Variants in RPAIN observed in about 807,000 individuals in gnomAD.
RPAIN encodes the protein RPA-interacting protein.
In RPAIN, 29 loss-of-function variants were observed where a neutral mutation model predicts 30.5. The ratio of observed to expected loss-of-function variants is 0.95; its 90% confidence interval spans 0.71 to 1.30. The LOEUF is 1.30. RPAIN is among the 50% of genes most tolerant of loss of function. RPAIN has a pLI of 0.00. For synonymous variants in RPAIN, 101 were observed against 93.5 expected, an observed-to-expected ratio of 1.08 and a Z score of -0.46; for missense variants, 247 against 264.7, an observed-to-expected ratio of 0.93 and a Z score of 0.46.
At position 5,420,222 on chromosome 17, in the gene RPAIN, G is replaced by A; in HGVS notation, c.12G>A (p.Ser4=). 1 of 1,613,762 alleles carries A rather than the reference G, an allele frequency of 6.2e-7. No individual in the cohort carries two copies. Among genetic ancestry groups the A allele is most frequent in the Non-Finnish European group, 8.5e-7 (1 of 1,179,978 alleles). ...CCCGCGAAGAGGAGATGGCGGAGTC[G>A]TTGAGGTCTCCGCGCCGCTCCCTGT... MAE[S]LRSPRRSLYK... Residue 4 remains serine, a synonymous_variant, in exon 1 of 7, where the codon TCG becomes TCA. Coordinates refer to ENST00000381209, the MANE Select transcript of RPAIN (RefSeq NM_001033002.4).
intron 2 of RPAIN, 32 bp from the exon 3 acceptor site, chr17:5,422,737 C>A (rs775539742): frequency 6.2e-7 from 1 of 1,607,506 alleles, no homozygotes; most frequent in Non-Finnish European, 8.5e-7. Flanking sequence ...ATTAATACTT[C>A]AAACTTCTGA....
At chr17:5,425,897 G>C in intron 3 of RPAIN, 74 bp from the exon 4 acceptor site, 1 of 936,522 alleles carries the variant, frequency 1.1e-6, no homozygotes, top group Non-Finnish European at 1.7e-6. Flanking sequence ...GGAAGCCTTT[G>C]ACAGTGAAGT....
Position 5,432,603 on chromosome 17 carries a change from T to C in RPAIN, c.*32T>C. 1 of 1,605,442 alleles carries C rather than the reference T, an allele frequency of 6.2e-7. No homozygotes were observed. Among genetic ancestry groups the C allele is most frequent in the Non-Finnish European group, 8.5e-7 (1 of 1,172,112 alleles). ...CTTGGACTCACATCATTCTATGGGG[T>C]TGAAGACAACTCATTCCCTCTGAGG... On this transcript the variant is annotated 3_prime_UTR_variant, in exon 7 of 7. Coordinates refer to ENST00000381209, the MANE Select transcript of RPAIN (RefSeq NM_001033002.4).
chr17:5,430,485 CA>C (rs1915802366), intron 6 of RPAIN: 1 of 152,938 alleles, frequency 6.5e-6, no homozygotes, highest in Non-Finnish European at 1.5e-5. Flanking sequence ...GCAAAACAAA[CA>C]AAAAAAGAAT....
chr17:5,425,451 T>G (rs1329545337), intron 3 of RPAIN: 1 of 419,140 alleles, frequency 2.4e-6, no homozygotes, highest in East Asian at 7.5e-5. Context: ...TTCTTCTGCC[T>G]CAGCCTCCCG....
intron 3 of RPAIN, among the ~76,000 whole-genome samples, chr17:5,423,638 C>A (rs1915087844): frequency 6.6e-6 from 1 of 152,260 alleles, no homozygotes; most frequent in Admixed American, 6.5e-5. Flanking sequence ...TCCCCAGGGC[C>A]TGTGAGCATC....
At chr17:5,425,742 G>A (rs140729349) in intron 3 of RPAIN, among the ~76,000 whole-genome samples, 1 of 152,154 alleles carries the variant, frequency 6.6e-6, no homozygotes, top group African/African-American at 2.4e-5. Flanking sequence ...TTGTCTCCTC[G>A]GCCCTTAGCC....
At chr17:5,421,178 TATC>T (rs1914763670) in intron 1 of RPAIN, 115 bp from the exon 2 acceptor site, 2 of 964,904 alleles carry the variant, frequency 2.1e-6, no homozygotes, top group African/African-American at 1.6e-5. Context: ...TAGTTAGTAT[TATC>T]ATTGAAATTT....
rs1914949402 is a variant in RPAIN, at chr17:5,422,341, A to G, written c.253-428A>G. ...TCAACACCCTGTGTAATAATGATGC[A>G]TTATTCAGTGGCTTTTGTGTGTCCT... On this transcript the variant is annotated intron_variant, in intron 2 of 6. Transcript: ENST00000381209. 2.6e-5 allele frequency among the ~76,000 whole-genome samples: 4 copies of G among 152,238 alleles called. No homozygotes were observed. The South Asian group carries it at 8.3e-4, about 32-fold the overall frequency.
chr17:5,428,098 C>G lies in RPAIN; in HGVS notation c.517C>G (p.Arg173Gly). Residue 173 changes from arginine (R) to glycine (G), a missense_variant, in exon 6 of 7, where the codon CGT becomes GGT. By Grantham distance (125) the Arg-to-Gly change is moderately radical. Coordinates refer to ENST00000381209, the MANE Select transcript of RPAIN (RefSeq NM_001033002.4). ...HSSELTEQKL[R>G]ACLEGSINEH... ...TTCTGAGTTGACAGAGCAGAAGCTTCGTGCCTGTTTAGAGGGTAGTATAAA... is the reference window on the plus strand; with the variant it reads ...TTCTGAGTTGACAGAGCAGAAGCTTGGTGCCTGTTTAGAGGGTAGTATAAA... The G allele has an allele frequency of 1.9e-6, 3 of 1,614,136 alleles. No individual in the cohort carries two copies. The highest frequency in any genetic ancestry group is 2.5e-6 in the Non-Finnish European group (3 of 1,180,016).
chr17:5,426,462 C>T, intron 5 of RPAIN, 163 bp downstream of exon 5: 2 of 681,292 alleles, frequency 2.9e-6, no homozygotes, highest in East Asian at 2.7e-5. Flanking sequence ...GTGAGAATAT[C>T]TATGGCATGA....
intron 6 of RPAIN, chr17:5,429,547 T>C: frequency 1.0e-6 from 1 of 985,476 alleles, no homozygotes; most frequent in Non-Finnish European, 1.2e-6. Context: ...GTGCCCCTGC[T>C]GTTTCCTGCT....
In RPAIN at chr17:5,425,951, C is replaced by T; in HGVS notation, c.314-20C>T. On this transcript the variant is annotated intron_variant, in intron 3 of 6. Transcript: ENST00000381209. ...CCAGCTGAAGCATGGTGAAGCCCTCCAACTGCCTTTGCCTTGCAGAGCAGT... is the reference window on the plus strand; with the variant it reads ...CCAGCTGAAGCATGGTGAAGCCCTCTAACTGCCTTTGCCTTGCAGAGCAGT... 6.4e-7 allele frequency: 1 copy of T among 1,553,314 alleles called. No homozygotes were observed. The highest frequency in any genetic ancestry group is 8.9e-7 in the Non-Finnish European group (1 of 1,126,254).
At chr17:5,428,631 G>A in intron 6 of RPAIN, 1 of 840,544 alleles carries the variant, frequency 1.2e-6, no homozygotes, top group Non-Finnish European at 1.5e-6. Flanking sequence ...AGGTCCAAGG[G>A]CTATTCGCTA....
intron 5 of RPAIN, 50 bp from the exon 6 acceptor site, chr17:5,428,021 C>G (rs1455659141): frequency 6.3e-7 from 1 of 1,581,968 alleles, no homozygotes; most frequent in African/African-American, 1.3e-5. Context: ...GATTTTCCAT[C>G]TGTTGGCTAT....
At chr17:5,431,580 T>C (rs1567589863) in intron 6 of RPAIN, 1 of 456,336 alleles carries the variant, frequency 2.2e-6, no homozygotes, top group Non-Finnish European at 4.4e-6. Flanking sequence ...AATGCTCTAG[T>C]TCCACTAGAC....
Position 5,432,569 on chromosome 17 carries a change from T to A in RPAIN, c.658T>A (p.Ter220LysextTer55), listed in dbSNP as rs761305514. The stretch of plus-strand genomic sequence containing the variant: ...CTGTGATACTTGGGCTGTGATCCTC[T>A]AGAGCCAGCTTGGACTCACATCATT... ...LACDTWAVIL[*>K] The change falls in exon 7 of 7, where the codon TAG becomes AAG. Residue 220 changes from the stop codon to lysine (K), a stop_lost. Coordinates refer to ENST00000381209, the MANE Select transcript of RPAIN (RefSeq NM_001033002.4). The A allele has an allele frequency of 1.2e-6, 2 of 1,613,958 alleles. No homozygotes were observed. The highest frequency in any genetic ancestry group is 2.2e-5 in the South Asian group (2 of 91,088).
At chr17:5,427,809 T>C in intron 5 of RPAIN, 1 of 490,914 alleles carries the variant, frequency 2.0e-6, no homozygotes, top group South Asian at 2.2e-5. Context: ...TAGCCTACAA[T>C]CTCTGAGCGT....
At position 5,432,845 on chromosome 17, in the gene RPAIN, G is replaced by C; in HGVS notation, c.*274G>C. The C allele has an allele frequency of 1.0e-6, 1 of 959,798 alleles. No homozygotes were observed. Among genetic ancestry groups the C allele is most frequent in the Non-Finnish European group, 1.5e-6 (1 of 680,888 alleles). The allele number at this position is 959,798 out of a possible 1,614,324, so 59.5% of individuals were successfully genotyped here. On this transcript the variant is annotated 3_prime_UTR_variant, in exon 7 of 7. Coordinates refer to ENST00000381209, the MANE Select transcript of RPAIN (RefSeq NM_001033002.4). ...AATCTAGAAATAATAGATTTGTACA[G>C]AAAAAAATGATAATAAATGAGAACA...
Sources: allele counts gnomAD v4.1 joint callset (sites outside exome capture counted in the v4.1 genomes callset), GRCh38; gene constraint gnomAD v4.1.1; transcripts MANE v1.5; gene names NCBI Gene and HGNC (gene_info 2026-07-23, HGNC 2026-07-21).